The following MTOR variants were observed in gnomAD, a reference collection of about 807,000 sequenced individuals.
MTOR encodes the protein serine/threonine-protein kinase mTOR.
Under a neutral mutation model 319.8 loss-of-function variants are expected in MTOR, and 70 were observed. That is an observed-to-expected ratio of 0.22 (90% CI 0.18 to 0.27). The LOEUF (loss-of-function observed/expected upper bound fraction) is 0.27, where lower values mean the gene tolerates loss of function less well. MTOR is among the 10% of genes least tolerant of loss of function. The probability of loss-of-function intolerance (pLI) is 1.00; values close to 1 mark genes in which losing one functional copy is unlikely to be tolerated. For missense variants in MTOR, 1,890 were observed against 3,274.4 expected (o/e 0.58, Z 10.32); for synonymous variants, 1,183 against 1,211.4 (o/e 0.98, Z 0.49).
chr1:11,146,868 T>C (rs1336327702), intron 31 of MTOR, 77 bp from the exon 32 acceptor site: 13 of 984,254 alleles, frequency 1.3e-5, no homozygotes, highest in Non-Finnish European at 2.0e-5. Context: ...AAATAGGTCT[T>C]GCCACTGTTA....
At chr1:11,164,499 A>C (rs1557792798) in intron 29 of MTOR, among the ~76,000 whole-genome samples, 1 of 152,202 alleles carries the variant, frequency 6.6e-6, no homozygotes, top group Non-Finnish European at 1.5e-5. Context: ...ATCTAGAAGA[A>C]ATGGATAAAT....
chr1:11,216,181 T>C lies in MTOR; in HGVS notation c.3084A>G (p.Arg1028=), dbSNP rs139422142. Residue 1028 remains arginine (R), a synonymous_variant, in exon 20 of 58, where the codon AGA becomes AGG. Coordinates refer to ENST00000361445, the MANE Select transcript of MTOR (RefSeq NM_004958.4). ...MLVSFVKSHI[R]PYMDEIVTLM... is the part of the protein sequence containing the mutation. ...GGGTGACTATTTCATCCATATAAGGTCTGATGTGGCTCTTCACAAAGGACA... is the reference window on the plus strand; with the variant it reads ...GGGTGACTATTTCATCCATATAAGGCCTGATGTGGCTCTTCACAAAGGACA... 1.1e-5 allele frequency: 17 copies of C among 1,614,024 alleles called. No homozygotes were observed. The African/African-American group carries it at 1.7e-4, about 16-fold the overall frequency.
At chr1:11,177,893 T>C (rs1318596350) in intron 28 of MTOR, among the ~76,000 whole-genome samples, 1 of 152,232 alleles carries the variant, frequency 6.6e-6, no homozygotes, top group Non-Finnish European at 1.5e-5. Context: ...TATAATCACC[T>C]TTCCAAGATA....
At chr1:11,235,446 T>C (rs1647170667) in intron 13 of MTOR, among the ~76,000 whole-genome samples, 1 of 152,026 alleles carries the variant, frequency 6.6e-6, no homozygotes, top group African/African-American at 2.4e-5. Context: ...ATCCCACCAT[T>C]GCACTCTAAC....
chr1:11,116,573 G>A (rs946274411), intron 50 of MTOR, among the ~76,000 whole-genome samples: 2 of 152,110 alleles, frequency 1.3e-5, no homozygotes, highest in East Asian at 1.9e-4. Context: ...GCCTCCCAAA[G>A]TGCTGGAATT....
intron 29 of MTOR, among the ~76,000 whole-genome samples, chr1:11,165,763 C>T (rs1264655659): frequency 6.6e-6 from 1 of 152,074 alleles, no homozygotes; most frequent in African/African-American, 2.4e-5. Flanking sequence ...TCATATGGAA[C>T]CAAAAAAGAG....
rs1252509513 is a variant in MTOR, at chr1:11,238,493, G to A, written c.1911C>T (p.Ile637=). 1.2e-6 allele frequency: 2 copies of A among 1,614,250 alleles called. No individual in the cohort carries two copies. Among genetic ancestry groups the A allele is most frequent in the Admixed American group, 1.7e-5 (1 of 60,022 alleles). ...SRLLTPSIHL[I]SGHAHVVSQT... is the part of the protein sequence containing the mutation. ...GGCTAACCACATGAGCATGGCCACT[G>A]ATGAGGTGGATGGAGGGTGTGAGCA... Residue 637 remains isoleucine (I), a synonymous_variant, in exon 12 of 58, where the codon ATC becomes ATT. Transcript: ENST00000361445.
Position 11,121,359 on chromosome 1 carries a change from C to T in MTOR, c.6820G>A (p.Asp2274Asn). Reference sequence around the variant, plus strand: ...TGCATCAGAGTCAAGTGGTCATAGTCCGGAGCCATCTGCATCAGGACACAA... The same window carrying T: ...TGCATCAGAGTCAAGTGGTCATAGTTCGGAGCCATCTGCATCAGGACACAA... ...EHRIMLRMAP[D>N]YDHLTLMQKV... Residue 2274 changes from aspartate to asparagine, a missense_variant, in exon 49 of 58, where the codon GAC becomes AAC. Around this residue, in one of 15 missense-constraint regions of MTOR, gnomAD observed 249 missense variants for 596.2 expected, o/e 0.42. Transcript: ENST00000361445. The surrounding 1 kb of genome is among the most constrained non-coding windows in gnomAD (Gnocchi z 4.9). The T allele has an allele frequency of 6.2e-7, 1 of 1,614,062 alleles. No individual in the cohort carries two copies. The highest frequency in any genetic ancestry group is 1.3e-5 in the African/African-American group (1 of 75,044).
chr1:11,175,239 G>A (rs1039855220), intron 28 of MTOR, among the ~76,000 whole-genome samples: 1 of 152,182 alleles, frequency 6.6e-6, no homozygotes. Context: ...CCCACAAACT[G>A]AACCTGGCGT....
rs2100745616 is a variant in MTOR at position 11,199,541 on chromosome 1, C to G, written c.4107G>C (p.Lys1369Asn). 2 of 1,614,158 alleles carry G rather than the reference C, an allele frequency of 1.2e-6. No individual in the cohort carries two copies. Among genetic ancestry groups the G allele is most frequent in the Non-Finnish European group, 1.7e-6 (2 of 1,180,018 alleles). Residue 1369 changes from lysine (K) to asparagine (N), a missense_variant and splice_region_variant, in exon 27 of 58, where the codon AAG becomes AAC. This residue lies in a region of MTOR where 45 missense variants were observed against 107.2 expected (regional missense o/e 0.42). Transcript: ENST00000361445. This position sits in a 1 kb window ranked among gnomAD's most constrained non-coding sequence, Gnocchi z 4.5. ...TCTGGACAATGGGGAAAAGTCTCACCTTGTCACTGTGTTCCATGAATTCAG... is the reference window on the plus strand; with the variant it reads ...TCTGGACAATGGGGAAAAGTCTCACGTTGTCACTGTGTTCCATGAATTCAG... ...NLAEFMEHSD[K>N]GPLPLRDDNG...
intron 18 of MTOR, among the ~76,000 whole-genome samples, chr1:11,230,714 A>C (rs920336486): frequency 6.6e-6 from 1 of 152,218 alleles, no homozygotes; most frequent in East Asian, 1.9e-4. Context: ...TTGACAAAGA[A>C]TCTAGACAGA....
At chr1:11,159,752 A>G (rs533048397) in intron 29 of MTOR, among the ~76,000 whole-genome samples, 14 of 152,322 alleles carry the variant, frequency 9.2e-5, no homozygotes, top group African/African-American at 3.4e-4. Flanking sequence ...ATCAAACAAA[A>G]GCCTGTTAAA....
intron 16 of MTOR, among the ~76,000 whole-genome samples, 172 bp downstream of exon 16, chr1:11,232,264 T>C (rs1044641882): frequency 1.1e-4 from 16 of 152,166 alleles, no homozygotes; most frequent in African/African-American, 3.9e-4. Flanking sequence ...AACAGGTAAT[T>C]CTGGTTTCAA....
intron 34 of MTOR, among the ~76,000 whole-genome samples, chr1:11,141,715 G>A (rs1397831138): frequency 2.0e-5 from 3 of 149,396 alleles, no homozygotes; most frequent in East Asian, 4.0e-4. Context: ...GGCGGGGCAC[G>A]GTGGCTCATG....
intron 17 of MTOR, 118 bp from the exon 18 acceptor site, chr1:11,231,172 C>T: frequency 6.3e-7 from 1 of 1,584,312 alleles, no homozygotes; most frequent in Non-Finnish European, 8.6e-7. Flanking sequence ...TGACCAGCTA[C>T]ATGAACAAAA....
At position 11,126,791 on chromosome 1, in the gene MTOR, T is replaced by C. The variant is rs577996479; in HGVS notation, c.6357A>G (p.Thr2119=). 6.2e-7 allele frequency: 1 copy of C among 1,613,494 alleles called. No homozygotes were observed. Among genetic ancestry groups the C allele is most frequent in the South Asian group, 1.1e-5 (1 of 90,952 alleles). The part of the protein sequence containing the change: ...RRISKQLPQL[T]SLELQYVSPK... ...GGGAAACATATTGCAGCTCTAAGGA[T>C]GTGAGCTGTAAATAATTACCAAAGG... The change falls in exon 46 of 58, where the codon ACA becomes ACG. Residue 2119 remains threonine, a synonymous_variant. Coordinates refer to ENST00000361445, the MANE Select transcript of MTOR (RefSeq NM_004958.4).
chr1:11,241,763 G>C (rs1648066149), intron 9 of MTOR, 82 bp from the exon 10 acceptor site: 1 of 1,532,780 alleles, frequency 6.5e-7, no homozygotes, highest in Non-Finnish European at 8.9e-7. Flanking sequence ...GGGGCAAGGA[G>C]AGCAGGTTAC....
At chr1:11,189,762 C>T (rs750112019) in intron 28 of MTOR, 5 of 1,614,030 alleles carry the variant, frequency 3.1e-6, no homozygotes, top group Middle Eastern at 1.6e-4. Flanking sequence ...ACCTTAGCAG[C>T]CTGCTGAGTG....
intron 30 of MTOR, among the ~76,000 whole-genome samples, chr1:11,156,594 G>C (rs1644325758): frequency 6.6e-6 from 1 of 152,112 alleles, no homozygotes; most frequent in South Asian, 2.1e-4. Context: ...GGGCTTTCAA[G>C]GTAGCATGGC....
Sources: gnomAD v4.1 joint callset for allele counts (sites outside exome capture counted in the v4.1 genomes callset) on GRCh38, gnomAD v4.1.1 for gene constraint, gnomAD v4.1.1 regional missense constraint, Gnocchi (gnomAD v3.1) non-coding constraint, MANE v1.5 for transcripts, NCBI Gene and HGNC (gene_info 2026-07-23, HGNC 2026-07-21) for gene names.